Variants in CNGB1 observed in about 807,000 individuals in gnomAD.
The protein encoded by CNGB1 is cyclic nucleotide-gated channel beta-1.
Under a neutral mutation model 151.7 loss-of-function variants are expected in CNGB1, and 126 were observed. The ratio of observed to expected loss-of-function variants is 0.83; its 90% CI spans 0.72 to 0.96. The LOEUF (loss-of-function observed/expected upper bound fraction) is 0.96. Ranked by LOEUF, CNGB1 falls within the 40% of genes least tolerant of loss-of-function variation. CNGB1 has a pLI of 0.00. For synonymous variants in CNGB1, 623 were observed against 635.1 expected (o/e 0.98, Z 0.29); for missense variants, 1,698 against 1,627.0 (o/e 1.04, Z -0.75).
chr16:57,904,412 G>A (rs550713947), intron 26 of CNGB1, among the ~76,000 whole-genome samples: 8 of 152,222 alleles, frequency 5.3e-5, no homozygotes, highest in African/African-American at 1.9e-4. Flanking sequence ...CTCATGTCTC[G>A]ACCAGAATGT....
intron 14 of CNGB1, 142 bp downstream of exon 14, chr16:57,949,211 G>T: frequency 6.8e-7 from 1 of 1,475,666 alleles, no homozygotes; most frequent in Non-Finnish European, 9.2e-7. Flanking sequence ...GCTTCTCGCA[G>T]CCTCTTTGGT....
intron 1 of CNGB1, among the ~76,000 whole-genome samples, chr16:57,968,525 ACATACT>A (rs1962455009): frequency 6.6e-6 from 1 of 152,116 alleles, no homozygotes; most frequent in Non-Finnish European, 1.5e-5. Context: ...AATAAATGTA[ACATACT>A]CAGAACAGTG....
rs115776427 is a variant in CNGB1 at position 57,943,546 on chromosome 16, T to C, written c.1122-3225A>G. 4.7e-3 allele frequency among the ~76,000 whole-genome samples: 715 copies of C among 152,268 alleles called. 5 individuals carry two copies. Among genetic ancestry groups the C allele is most frequent in the African/African-American group, 0.017 (688 of 41,548 alleles). ...TTAGGCGGGCATGGCAGCACACTTCTGTAATCCCAGCTACTTGGCAGGCTG... is the reference window on the plus strand; with the variant it reads ...TTAGGCGGGCATGGCAGCACACTTCCGTAATCCCAGCTACTTGGCAGGCTG... On this transcript the variant is annotated intron_variant, in intron 14 of 32. Transcript: ENST00000251102.
intron 22 of CNGB1, 21 bp from the exon 23 acceptor site, chr16:57,915,356 C>A (rs371335785): frequency 5.3e-4 from 835 of 1,581,200 alleles, no homozygotes; most frequent in Non-Finnish European, 6.6e-4. Context: ...AGTGGGACAC[C>A]ATGGGGGTAA....
Position 57,884,045 on chromosome 16 carries a change from C to T in CNGB1, c.*119G>A. ...AGAGCTGCAGCCACTGAGGTCACGA[C>T]TACGGAAAAGCATCTTCTCTTGAGC... On this transcript the variant is annotated 3_prime_UTR_variant, in exon 33 of 33. Coordinates refer to ENST00000251102, the MANE Select transcript of CNGB1 (RefSeq NM_001297.5). The T allele has an allele frequency of 6.8e-7, 1 of 1,476,068 alleles. No homozygotes were observed. The allele number at this position is 1,476,068 out of a possible 1,614,324, so 91.4% of individuals were successfully genotyped here. A position where few individuals can be genotyped will look rare whatever the true frequency, so the allele number is the denominator to read the frequency against.
chr16:57,954,066 C>T (rs1328684769), intron 12 of CNGB1, among the ~76,000 whole-genome samples: 2 of 152,182 alleles, frequency 1.3e-5, no homozygotes, highest in Non-Finnish European at 2.9e-5. Context: ...AGTCACTCCC[C>T]TGCTCAATCA....
At chr16:57,929,572 C>T (rs1961290451) in intron 17 of CNGB1, among the ~76,000 whole-genome samples, 1 of 151,944 alleles carries the variant, frequency 6.6e-6, no homozygotes, top group Non-Finnish European at 1.5e-5. Flanking sequence ...AACTGGGAGG[C>T]CTCAGGAAAC....
chr16:57,927,303 T>C (rs993682972), intron 17 of CNGB1, among the ~76,000 whole-genome samples: 13 of 152,356 alleles, frequency 8.5e-5, no homozygotes, highest in African/African-American at 3.1e-4. Flanking sequence ...AGGGACTTGC[T>C]CAAGCTCCTC....
intron 11 of CNGB1, 71 bp from the exon 12 acceptor site, chr16:57,957,448 C>G (rs1597010741): frequency 7.2e-7 from 1 of 1,394,070 alleles, no homozygotes; most frequent in East Asian, 2.3e-5. Flanking sequence ...TCAGCCACAC[C>G]TTCTAGCACG....
In CNGB1 at chr16:57,922,431, C is replaced by CTTTTTT. The variant is rs60969134; in HGVS notation, c.1643+836_1643+841dup. On this transcript the variant is annotated intron_variant, in intron 18 of 32. Transcript: ENST00000251102. ...TCTTTCTCTCTTTCTTTCTTTCTTT[C>CTTTTTT]TTTTTTTTTTTTTTGAGATGAAGTA... 1.2e-4 allele frequency among the ~76,000 whole-genome samples: 17 copies of CTTTTTT among 136,540 alleles called. No homozygotes were observed. The South Asian group carries it at 2.3e-3, about 18-fold the overall frequency. 89.6% of individuals were successfully genotyped at this position (136,540 alleles called of 152,430 possible). A position where few individuals can be genotyped will look rare whatever the true frequency, so the allele number is the denominator to read the frequency against.
rs141566950 is a variant in CNGB1, at chr16:57,949,370, T to TTCCTCC, written c.1098_1103dup (p.Glu370_Glu371dup). ...TGACTTACTCAGTCACCTCCTCCTC[T>TTCCTCC]TCCTCCTCCTCCTCCTCTTCCTCTT... On this transcript the variant is annotated inframe_insertion, in exon 14 of 33. Coordinates refer to ENST00000251102, the MANE Select transcript of CNGB1 (RefSeq NM_001297.5). 5.6e-6 allele frequency: 9 copies of TTCCTCC among 1,611,782 alleles called. No homozygotes were observed. The highest frequency in any genetic ancestry group is 4.0e-5 in the African/African-American group (3 of 74,772).
chr16:57,929,727 T>C (rs1961294469), intron 17 of CNGB1, among the ~76,000 whole-genome samples: 1 of 152,156 alleles, frequency 6.6e-6, no homozygotes. Context: ...TCGTGAGAAC[T>C]CACTGTCATG....
chr16:57,923,310 C>A lies in CNGB1; in HGVS notation c.1606G>T (p.Val536Phe). Residue 536 changes from valine (V) to phenylalanine (F), a missense_variant, in exon 18 of 33, where the codon GTT becomes TTT. Coordinates refer to ENST00000251102, the MANE Select transcript of CNGB1 (RefSeq NM_001297.5). ...GGGGTGGTGGGGTCAGACCAGGCAACCACTGGGGACTCTGCTGGTGACAAC... is the reference window on the plus strand; with the variant it reads ...GGGGTGGTGGGGTCAGACCAGGCAAACACTGGGGACTCTGCTGGTGACAAC... ...KALSPAESPV[V>F]AWSDPTTPKD... The A allele has an allele frequency of 1.9e-6, 3 of 1,612,834 alleles. No individual in the cohort carries two copies. Among genetic ancestry groups the A allele is most frequent in the Non-Finnish European group, 2.5e-6 (3 of 1,179,554 alleles).
chr16:57,901,263 G>C (rs1005033413), intron 29 of CNGB1, 89 bp downstream of exon 29: 152 of 1,261,390 alleles, frequency 1.2e-4, no homozygotes, highest in Non-Finnish European at 1.6e-4. Context: ...GCTCTGCCCT[G>C]GGCTGGCAGG....
chr16:57,955,278 G>A, intron 12 of CNGB1: 2 of 1,550,658 alleles, frequency 1.3e-6, no homozygotes, highest in South Asian at 2.4e-5. Flanking sequence ...TTCTCTTCAG[G>A]GCATCCTTCT....
intron 2 of CNGB1, among the ~76,000 whole-genome samples, chr16:57,966,624 C>T (rs931605754): frequency 1.3e-5 from 2 of 152,196 alleles, no homozygotes; most frequent in Non-Finnish European, 2.9e-5. Flanking sequence ...TACTTAGCTA[C>T]AGAGTAGATT....
intron 1 of CNGB1, among the ~76,000 whole-genome samples, chr16:57,969,749 C>T (rs115449945): frequency 0.015 from 2,325 of 152,324 alleles, 59 homozygotes; most frequent in African/African-American, 0.052. Context: ...GTTGATTTCT[C>T]CTTGGGGAAT....
intron 31 of CNGB1, among the ~76,000 whole-genome samples, chr16:57,896,761 T>TA (rs573298285): frequency 7.2e-6 from 1 of 139,048 alleles, no homozygotes; most frequent in Non-Finnish European, 1.6e-5. Context: ...AATAAATAAA[T>TA]AAAATAACTG....
chr16:57,916,045 T>C, intron 22 of CNGB1, 84 bp downstream of exon 22: 1 of 1,324,256 alleles, frequency 7.6e-7, no homozygotes, highest in Non-Finnish European at 1.1e-6. Context: ...CCACATCTCA[T>C]GAACGCCCCA....
Sources: gnomAD v4.1 joint callset for allele counts (sites outside exome capture counted in the v4.1 genomes callset) on GRCh38, gnomAD v4.1.1 for gene constraint, MANE v1.5 for transcripts, NCBI Gene and HGNC (gene_info 2026-07-23, HGNC 2026-07-21) for gene names.